Variants in RFX3 observed in about 807,000 individuals in gnomAD.
The protein encoded by RFX3 is transcription factor RFX3.
In RFX3, 14 loss-of-function variants were observed where a neutral mutation model predicts 98.6. The observed-to-expected ratio is 0.14, with a 90% confidence interval of 0.09 to 0.22. RFX3 has a LOEUF of 0.22. Among genes scored for constraint, RFX3 ranks in the 10% least tolerant of loss-of-function variants. The probability of loss-of-function intolerance (pLI) is 1.00; values close to 1 mark genes in which losing one functional copy is unlikely to be tolerated. For missense variants in RFX3, 639 were observed against 926.9 expected (o/e 0.69, Z 4.03); for synonymous variants, 383 against 328.4 (o/e 1.17, Z -1.80).
chr9:3,233,957 C>G (rs1405339897), intron 15 of RFX3, among the ~76,000 whole-genome samples: 1 of 152,188 alleles, frequency 6.6e-6, no homozygotes, highest in East Asian at 1.9e-4. Flanking sequence ...TATCCCAGTA[C>G]TCTGAAAGGA....
intron 11 of RFX3, among the ~76,000 whole-genome samples, chr9:3,268,695 C>T (rs772940782): frequency 4.0e-5 from 6 of 151,704 alleles, no homozygotes; most frequent in African/African-American, 9.7e-5. Context: ...AAGACAAAGG[C>T]CAGTGTATTG....
At chr9:3,348,395 T>C (rs1563965779) in intron 2 of RFX3, among the ~76,000 whole-genome samples, 1 of 151,988 alleles carries the variant, frequency 6.6e-6, no homozygotes, top group Admixed American at 6.6e-5. Context: ...GTCTATCTAT[T>C]AATAGTATCC....
intron 1 of RFX3, among the ~76,000 whole-genome samples, chr9:3,484,478 A>G (rs1424722114): frequency 6.6e-6 from 1 of 152,218 alleles, no homozygotes; most frequent in Non-Finnish European, 1.5e-5. Context: ...AATCAAAATA[A>G]AACAAAATGA....
intron 3 of RFX3, among the ~76,000 whole-genome samples, chr9:3,336,270 T>G (rs544857543): frequency 1.3e-5 from 2 of 152,224 alleles, no homozygotes; most frequent in East Asian, 3.9e-4. Flanking sequence ...AAGCATCTAT[T>G]CTAGCACCTA....
At chr9:3,432,386 A>C (rs555547863) in intron 1 of RFX3, among the ~76,000 whole-genome samples, 1 of 152,310 alleles carries the variant, frequency 6.6e-6, no homozygotes, top group East Asian at 1.9e-4. Flanking sequence ...AGAGAACCCC[A>C]GTAGAGAGAA....
intron 1 of RFX3, among the ~76,000 whole-genome samples, chr9:3,501,230 T>C (rs1815966687): frequency 6.6e-6 from 1 of 152,160 alleles, no homozygotes; most frequent in Non-Finnish European, 1.5e-5. Flanking sequence ...TAAAAGAAAA[T>C]TTTTAAAAAT....
At chr9:3,509,855 G>C (rs1014153769) in intron 1 of RFX3, among the ~76,000 whole-genome samples, 23 of 151,910 alleles carry the variant, frequency 1.5e-4, no homozygotes, top group African/African-American at 5.1e-4. Flanking sequence ...GTGGAGGCTG[G>C]AGTTCGACAG....
intron 4 of RFX3, among the ~76,000 whole-genome samples, chr9:3,308,159 G>A (rs1233742979): frequency 6.6e-6 from 1 of 152,042 alleles, no homozygotes. Context: ...GTCACTAATA[G>A]TGTACACCTC....
intron 1 of RFX3, among the ~76,000 whole-genome samples, chr9:3,435,730 TTGAA>T (rs1845064449): frequency 6.6e-6 from 1 of 150,970 alleles, no homozygotes; most frequent in Non-Finnish European, 1.5e-5. Context: ...TATTTATTGA[TTGAA>T]TGGATAATTA....
At chr9:3,367,761 T>C (rs927906751) in intron 2 of RFX3, among the ~76,000 whole-genome samples, 2 of 152,222 alleles carry the variant, frequency 1.3e-5, no homozygotes, top group Admixed American at 6.5e-5. Flanking sequence ...AATTTCCTGC[T>C]AAATGTTAAG....
chr9:3,433,832 C>A (rs1428226215), intron 1 of RFX3, among the ~76,000 whole-genome samples: 1 of 152,144 alleles, frequency 6.6e-6, no homozygotes, highest in Non-Finnish European at 1.5e-5. Context: ...GCTTTGTGGG[C>A]TAGAGTCCCT....
rs545633212 is a variant in RFX3 at position 3,365,367 on chromosome 9, C to T, written c.118-18603G>A. ...AAGCAAAAAATCATGAGGTAGTTTG[C>T]AAAAGACAGAATATTAGAAAATAAT... On this transcript the variant is annotated intron_variant, in intron 2 of 16. Transcript: ENST00000617270. 8.0e-5 allele frequency among the ~76,000 whole-genome samples: 12 copies of T among 150,456 alleles called. No individual in the cohort carries two copies. In the East Asian group the frequency reaches 2.1e-3, roughly 27 times the overall value.
intron 2 of RFX3, among the ~76,000 whole-genome samples, chr9:3,367,712 C>T (rs2131503203): frequency 6.6e-6 from 1 of 152,280 alleles, no homozygotes; most frequent in East Asian, 1.9e-4. Context: ...CATTGACATT[C>T]CCTAATTAAG....
chr9:3,495,810 A>G (rs1156320439), intron 1 of RFX3, among the ~76,000 whole-genome samples: 2 of 152,086 alleles, frequency 1.3e-5, no homozygotes, highest in Non-Finnish European at 2.9e-5. Flanking sequence ...AACCAGTTTA[A>G]TCACACTAGC....
intron 2 of RFX3, among the ~76,000 whole-genome samples, chr9:3,365,891 A>T (rs1837005754): frequency 6.6e-6 from 1 of 151,818 alleles, no homozygotes; most frequent in Non-Finnish European, 1.5e-5. Context: ...ACAGCCTCCC[A>T]GTGGTAACTC....
intron 1 of RFX3, among the ~76,000 whole-genome samples, chr9:3,462,089 G>A (rs550965573): frequency 1.3e-5 from 2 of 151,948 alleles, no homozygotes; most frequent in East Asian, 3.9e-4. Context: ...TGAGACCAGT[G>A]TTACCCTGTT....
intron 2 of RFX3, among the ~76,000 whole-genome samples, chr9:3,353,781 TAATA>T (rs1022469530): frequency 2.6e-5 from 4 of 151,986 alleles, no homozygotes; most frequent in African/African-American, 9.7e-5. Context: ...GCCTAGCATA[TAATA>T]AATAACAAAA....
intron 15 of RFX3, among the ~76,000 whole-genome samples, chr9:3,233,168 G>C (rs1054207598): frequency 6.6e-6 from 1 of 152,202 alleles, no homozygotes; most frequent in Non-Finnish European, 1.5e-5. Flanking sequence ...CAGCCAGTGA[G>C]AGTCTATTAG....
chr9:3,462,858 A>C (rs1587750996), intron 1 of RFX3, among the ~76,000 whole-genome samples: 3 of 152,122 alleles, frequency 2.0e-5, no homozygotes. Context: ...AAGTTAACAA[A>C]AAATATATGC....
Sources: allele counts gnomAD v4.1 joint callset (sites outside exome capture counted in the v4.1 genomes callset), GRCh38; gene constraint gnomAD v4.1.1; transcripts MANE v1.5; gene names NCBI Gene and HGNC (gene_info 2026-07-23, HGNC 2026-07-21).